The following BCAS1 variants were observed in gnomAD, a reference collection of about 807,000 sequenced individuals.
BCAS1 encodes the protein brain enriched myelin associated protein 1, also known as breast carcinoma-amplified sequence 1.
In BCAS1, 46 loss-of-function variants were observed where a neutral mutation model predicts 65.4. The observed-to-expected ratio is 0.70, with a 90% CI of 0.55 to 0.90. BCAS1 has a LOEUF of 0.90. BCAS1 is among the 40% of genes least tolerant of loss of function. The pLI is 0.00. For synonymous variants in BCAS1, 298 were observed against 293.5 expected (o/e 1.02, Z -0.16); for missense variants, 793 against 771.2 (o/e 1.03, Z -0.33).
intron 3 of BCAS1, among the ~76,000 whole-genome samples, chr20:54,045,234 A>C (rs2092081568): frequency 6.6e-6 from 1 of 152,048 alleles, no homozygotes; most frequent in East Asian, 1.9e-4. Flanking sequence ...AAACAAAACA[A>C]AACAAAAAAC....
intron 10 of BCAS1, among the ~76,000 whole-genome samples, chr20:53,963,729 T>C (rs2145602272): frequency 6.6e-6 from 1 of 152,332 alleles, no homozygotes; most frequent in Non-Finnish European, 1.5e-5. Context: ...TTCAAGCTGT[T>C]AGGGCAGGTT....
intron 12 of BCAS1, among the ~76,000 whole-genome samples, chr20:53,949,638 C>T (rs2089450605): frequency 1.3e-5 from 2 of 152,236 alleles, no homozygotes; most frequent in South Asian, 2.1e-4. Flanking sequence ...GGAAGCCCCC[C>T]TCCGTCCTCC....
At position 54,058,169 on chromosome 20, in the gene BCAS1, G is replaced by C; in HGVS notation, c.73-15C>G. ...GACGCGTTGTCCTGAAACAGAGCAC[G>C]TGGCATTGTGAGACAAATCTTCGGG... On this transcript the variant is annotated splice_polypyrimidine_tract_variant and intron_variant, in intron 2 of 12. Transcript: ENST00000688948. The C allele has an allele frequency of 6.2e-7, 1 of 1,612,354 alleles. No individual in the cohort carries two copies. The highest frequency in any genetic ancestry group is 8.5e-7 in the Non-Finnish European group (1 of 1,178,530).
intron 1 of BCAS1, among the ~76,000 whole-genome samples, chr20:54,061,943 G>A (rs2092381416): frequency 6.8e-6 from 1 of 147,640 alleles, no homozygotes. Context: ...AGCTAAAAAT[G>A]AGTTTTAAAT....
chr20:54,021,451 T>C (rs997540297), intron 4 of BCAS1, among the ~76,000 whole-genome samples: 5 of 109,016 alleles, frequency 4.6e-5, no homozygotes, highest in Middle Eastern at 4.7e-3. Context: ...GGTGTATATG[T>C]ACCACATTTT....
chr20:53,946,695 A>G (rs182286814), intron 12 of BCAS1, among the ~76,000 whole-genome samples: 1 of 150,658 alleles, frequency 6.6e-6, no homozygotes, highest in African/African-American at 2.4e-5. Flanking sequence ...TGGTAACTAT[A>G]GCACAGTATA....
chr20:54,049,972 AC>A (rs2092182020), intron 3 of BCAS1, among the ~76,000 whole-genome samples: 1 of 152,220 alleles, frequency 6.6e-6, no homozygotes, highest in African/African-American at 2.4e-5. Flanking sequence ...ATGCCCCAGC[AC>A]AAATATATTA....
intron 4 of BCAS1, among the ~76,000 whole-genome samples, chr20:53,999,787 G>C (rs887149454): frequency 6.6e-6 from 1 of 152,060 alleles, no homozygotes; most frequent in African/African-American, 2.4e-5. Context: ...CTGGAGTGCA[G>C]TGGCATGATC....
intron 4 of BCAS1, among the ~76,000 whole-genome samples, chr20:54,012,564 A>G (rs925942706): frequency 2.6e-5 from 4 of 152,168 alleles, no homozygotes; most frequent in Admixed American, 1.3e-4. Context: ...AGTTAAATAA[A>G]TTCGCATGTG....
intron 1 of BCAS1, among the ~76,000 whole-genome samples, chr20:54,061,055 C>T (rs1016715266): frequency 9.2e-5 from 14 of 152,110 alleles, no homozygotes; most frequent in African/African-American, 3.4e-4. Context: ...GTTCTCAATT[C>T]CAAGCTCTAA....
Position 53,965,853 on chromosome 20 carries a change from T to C in BCAS1, c.1485+1053A>G, listed in dbSNP as rs146621372. On this transcript the variant is annotated intron_variant, in intron 10 of 12. Transcript: ENST00000688948. ...TACCATAATAAGAAAAGCAGTATCA[T>C]TGACCACCAAGAGAAGGAAACTTTA... 2.7e-3 allele frequency among the ~76,000 whole-genome samples: 417 copies of C among 152,246 alleles called. 2 individuals carry two copies. The highest frequency in any genetic ancestry group is 9.1e-3 in the African/African-American group (380 of 41,540).
intron 1 of BCAS1, among the ~76,000 whole-genome samples, chr20:54,066,278 T>G (rs185818675): frequency 6.6e-6 from 1 of 152,198 alleles, no homozygotes; most frequent in African/African-American, 2.4e-5. Flanking sequence ...TTCCCCGTGT[T>G]AGCCAGGATG....
rs769732216 is a variant in BCAS1, at chr20:54,040,101, T to G, written c.143-11129A>C. Among the ~76,000 whole-genome samples, 11 of 151,524 alleles carry G rather than the reference T, an allele frequency of 7.3e-5. 1 individual carries two copies. The highest frequency in any genetic ancestry group is 1.2e-4 in the Non-Finnish European group (8 of 67,702). ...ATGAATATCCTGGTAGTTTCCACAT[T>G]GTTTTTTCCATTTCCACTATAGTGG... is the stretch of plus-strand genomic sequence containing the variant. On this transcript the variant is annotated intron_variant, in intron 3 of 12. Transcript: ENST00000688948.
intron 10 of BCAS1, among the ~76,000 whole-genome samples, chr20:53,962,130 TA>T (rs1395821131): frequency 6.6e-6 from 1 of 152,198 alleles, no homozygotes; most frequent in East Asian, 1.9e-4. Context: ...AAATCAGTAT[TA>T]ACATTTTAAT....
chr20:53,984,940 T>C (rs759892445), intron 8 of BCAS1, among the ~76,000 whole-genome samples: 2 of 152,006 alleles, frequency 1.3e-5, no homozygotes, highest in African/African-American at 2.4e-5. Flanking sequence ...AGAGTAAGAG[T>C]GCTCAAAGAG....
intron 1 of BCAS1, among the ~76,000 whole-genome samples, chr20:54,063,038 G>A (rs539931477): frequency 6.6e-6 from 1 of 152,312 alleles, no homozygotes; most frequent in South Asian, 2.1e-4. Flanking sequence ...GTTTTGCAAT[G>A]AAGCCTTCTG....
intron 4 of BCAS1, among the ~76,000 whole-genome samples, chr20:53,997,442 T>C (rs1017120234): frequency 2.0e-5 from 3 of 152,220 alleles, no homozygotes; most frequent in Admixed American, 6.5e-5. Context: ...ATTTATTCCA[T>C]TGCTTGGTTA....
At chr20:54,031,212 T>C (rs1368256750) in intron 3 of BCAS1, among the ~76,000 whole-genome samples, 2 of 151,490 alleles carry the variant, frequency 1.3e-5, no homozygotes, top group Non-Finnish European at 3.0e-5. Context: ...CAAAGTACTT[T>C]CCATGGACAA....
At position 54,062,659 on chromosome 20, in the gene BCAS1, T is replaced by C. The variant is rs560969541; in HGVS notation, c.-5-3936A>G. Among the ~76,000 whole-genome samples, 16 of 152,388 alleles carry C rather than the reference T, an allele frequency of 1.0e-4. No homozygotes were observed. The South Asian group carries it at 3.3e-3, about 32-fold the overall frequency. On this transcript the variant is annotated intron_variant, in intron 1 of 12. Coordinates refer to ENST00000688948, the MANE Select transcript of BCAS1 (RefSeq NM_001366298.2). ...CCTTGGTGCTGGAAGACGCATGGTG[T>C]ACAGAAGTAGGAGAGAAGATTTTTC...
Sources: allele counts gnomAD v4.1 joint callset (sites outside exome capture counted in the v4.1 genomes callset), GRCh38; gene constraint gnomAD v4.1.1; transcripts MANE v1.5; gene names NCBI Gene and HGNC (gene_info 2026-07-23, HGNC 2026-07-21).